UNC80: variants seen among roughly 807,000 people sequenced by gnomAD.
UNC80 encodes the protein unc-80 subunit of NALCN channel complex, also known as protein unc-80 homolog.
A neutral mutation model predicts 384.6 loss-of-function variants in UNC80; 164 were observed. That is an observed-to-expected ratio of 0.43 (90% CI 0.38 to 0.49). The LOEUF is 0.49. Ranked by LOEUF, UNC80 falls within the 20% of genes least tolerant of loss-of-function variation. UNC80 has a pLI of 0.00. For missense variants in UNC80, 3,330 were observed against 4,143.0 expected (o/e 0.80, Z 5.39); for synonymous variants, 1,486 against 1,527.8 (o/e 0.97, Z 0.64).
At position 209,941,278 on chromosome 2, in the gene UNC80, T is replaced by C; in HGVS notation, c.6704T>C (p.Leu2235Pro). 6.5e-7 allele frequency: 1 copy of C among 1,540,244 alleles called. No individual in the cohort carries two copies. Among genetic ancestry groups the C allele is most frequent in the South Asian group, 1.2e-5 (1 of 83,746 alleles). The change falls in exon 44 of 65, where the codon CTG becomes CCG. Residue 2235 changes from leucine to proline, a missense_variant. Physicochemically the swap from Leu to Pro is moderately conservative, Grantham distance 98. Coordinates refer to ENST00000673920, the MANE Select transcript of UNC80 (RefSeq NM_001371986.1). ...CAGAAAAGCTTGTGGATCCAGCTGC[T>C]GGAGGAAATGTTCCTGGGCATGCCG... ...TLQKSLWIQLLEEMFLGMPSE... is the reference protein window; with the variant it reads ...TLQKSLWIQLPEEMFLGMPSE...
intron 4 of UNC80, among the ~76,000 whole-genome samples, chr2:209,778,629 T>C (rs2076995671): frequency 6.6e-6 from 1 of 152,226 alleles, no homozygotes; most frequent in Non-Finnish European, 1.5e-5. Context: ...TTGATATTAC[T>C]TAACCCCTCA....
In UNC80 at chr2:209,996,991, A is replaced by G. The variant is rs1412792780; in HGVS notation, c.*1396A>G. 1.3e-5 allele frequency: 2 copies of G among 152,162 alleles called. No individual in the cohort carries two copies. Among genetic ancestry groups the G allele is most frequent in the Non-Finnish European group, 2.9e-5 (2 of 68,028 alleles). The allele number at this position is 152,162 out of a possible 1,614,324, so 9.4% of individuals were successfully genotyped here. A position where few individuals can be genotyped will look rare whatever the true frequency, so the allele number is the denominator to read the frequency against. On this transcript the variant is annotated 3_prime_UTR_variant, in exon 65 of 65. Coordinates refer to ENST00000673920, the MANE Select transcript of UNC80 (RefSeq NM_001371986.1). ...ATTTAAAACACATTCTGTATGCTTA[A>G]ACTTTGAGTGCGTTGGCTGTGAAAT...
intron 26 of UNC80, 147 bp downstream of exon 26, chr2:209,888,407 G>T: frequency 2.1e-6 from 2 of 933,844 alleles, no homozygotes; most frequent in South Asian, 3.9e-5. Flanking sequence ...GGAAAATCAT[G>T]CTTGTTAGAA....
intron 28 of UNC80, among the ~76,000 whole-genome samples, chr2:209,902,960 T>C (rs1347832072): frequency 6.7e-6 from 1 of 149,728 alleles, no homozygotes. Context: ...CATCCCTTGG[T>C]ATCCATGGGG....
chr2:209,918,216 C>G (rs2089718762), intron 32 of UNC80, among the ~76,000 whole-genome samples: 1 of 152,132 alleles, frequency 6.6e-6, no homozygotes, highest in Non-Finnish European at 1.5e-5. Flanking sequence ...ATATGAAAGT[C>G]TGGGGAATTA....
At chr2:209,969,142 A>G (rs1314556299) in intron 52 of UNC80, 1 of 152,246 alleles carries the variant, frequency 6.6e-6, no homozygotes, top group Non-Finnish European at 1.5e-5. Context: ...TCAGTACTAG[A>G]AGAATTATGA....
rs145316304 is a variant in UNC80, at chr2:209,944,501, T to C, written c.7051-550T>C. On this transcript the variant is annotated intron_variant, in intron 45 of 64. Coordinates refer to ENST00000673920, the MANE Select transcript of UNC80 (RefSeq NM_001371986.1). ...ATCGTTGTTTTATTTGCATTTTGTT[T>C]TTGGTTTTCTATAACCTCAGTGTGT... Among the ~76,000 whole-genome samples the C allele has an allele frequency of 4.3e-3, 653 of 152,306 alleles. 7 individuals carry two copies. Among genetic ancestry groups the C allele is most frequent in the African/African-American group, 0.015 (603 of 41,562 alleles).
intron 22 of UNC80, among the ~76,000 whole-genome samples, chr2:209,862,264 C>G (rs1396510400): frequency 6.6e-6 from 1 of 151,656 alleles, no homozygotes; most frequent in Non-Finnish European, 1.5e-5. Flanking sequence ...CAAATAACTT[C>G]TTGCTATGTG....
At chr2:209,927,913 C>G (rs1420717620) in intron 36 of UNC80, among the ~76,000 whole-genome samples, 1 of 152,036 alleles carries the variant, frequency 6.6e-6, no homozygotes, top group Admixed American at 6.6e-5. Flanking sequence ...ATAGTACCTC[C>G]ATATGATAAC....
At chr2:209,874,415 G>A (rs2084588437) in intron 23 of UNC80, among the ~76,000 whole-genome samples, 1 of 152,194 alleles carries the variant, frequency 6.6e-6, no homozygotes, top group Non-Finnish European at 1.5e-5. Flanking sequence ...ACCATTAAGT[G>A]CTACACATTT....
chr2:209,910,100 A>C (rs1385560516), intron 29 of UNC80, among the ~76,000 whole-genome samples: 1 of 151,616 alleles, frequency 6.6e-6, no homozygotes, highest in African/African-American at 2.4e-5. Context: ...GAAACTCAAG[A>C]CTAGTAACCC....
chr2:209,895,429 C>G (rs189979471), intron 27 of UNC80, among the ~76,000 whole-genome samples: 5 of 152,156 alleles, frequency 3.3e-5, no homozygotes, highest in African/African-American at 4.8e-5. Flanking sequence ...CTGTATCCAC[C>G]CACCCTCGCC....
chr2:209,903,810 C>T (rs1158158830), intron 28 of UNC80, among the ~76,000 whole-genome samples: 1 of 151,172 alleles, frequency 6.6e-6, no homozygotes, highest in African/African-American at 2.4e-5. Context: ...TTAGCTAGGT[C>T]CTCTGCTTTA....
chr2:209,877,274 T>C (rs189893938), intron 23 of UNC80, among the ~76,000 whole-genome samples: 94 of 152,334 alleles, frequency 6.2e-4, no homozygotes, highest in Middle Eastern at 3.4e-3. Flanking sequence ...GATGATTCAA[T>C]AACAGATAGC....
intron 7 of UNC80, chr2:209,809,329 T>A: frequency 1.3e-6 from 1 of 792,606 alleles, no homozygotes; most frequent in East Asian, 2.4e-5. Flanking sequence ...GCCCTTCGCC[T>A]GCGAAACCTG....
At chr2:209,971,327 T>G (rs947894433) in intron 54 of UNC80, among the ~76,000 whole-genome samples, 1 of 152,190 alleles carries the variant, frequency 6.6e-6, no homozygotes, top group Non-Finnish European at 1.5e-5. Context: ...CAATATAAAA[T>G]TCTTTCAAAT....
intron 7 of UNC80, chr2:209,809,537 T>C: frequency 3.0e-6 from 3 of 1,010,804 alleles, no homozygotes; most frequent in South Asian, 2.7e-5. Context: ...ATGGCCCTGC[T>C]CCACAAGCAC....
intron 27 of UNC80, 91 bp downstream of exon 27, chr2:209,894,457 TA>T (rs1456408811): frequency 1.4e-6 from 1 of 701,030 alleles, no homozygotes; most frequent in Non-Finnish European, 1.8e-6. Flanking sequence ...TTCTTACACA[TA>T]AATAGATGGA....
At chr2:209,856,588 T>C (rs888742111) in intron 22 of UNC80, among the ~76,000 whole-genome samples, 3 of 152,014 alleles carry the variant, frequency 2.0e-5, no homozygotes, top group African/African-American at 7.2e-5. Context: ...GTGAATAGTA[T>C]AGGATAGGAA....
Sources: gnomAD v4.1 joint callset for allele counts (sites outside exome capture counted in the v4.1 genomes callset) on GRCh38, gnomAD v4.1.1 for gene constraint, MANE v1.5 for transcripts, NCBI Gene and HGNC (gene_info 2026-07-23, HGNC 2026-07-21) for gene names.